CTNNA3: variants seen among roughly 807,000 people sequenced by gnomAD.
CTNNA3 encodes the protein catenin alpha-3.
In CTNNA3, 76 loss-of-function variants were observed where a neutral mutation model predicts 95.7. The observed-to-expected ratio is 0.79, with a 90% CI of 0.66 to 0.96. The LOEUF (loss-of-function observed/expected upper bound fraction) is 0.96, where lower values mean the gene tolerates loss of function less well. Ranked by LOEUF, CTNNA3 falls within the 40% of genes least tolerant of loss-of-function variation. CTNNA3 has a pLI of 0.00. For missense variants in CTNNA3, 1,191 were observed against 1,089.8 expected, an observed-to-expected ratio of 1.09 and a Z score of -1.31; for synonymous variants, 431 against 374.4, an observed-to-expected ratio of 1.15 and a Z score of -1.74.
chr10:66,442,194 A>G (rs1301016484), intron 11 of CTNNA3, among the ~76,000 whole-genome samples: 1 of 152,190 alleles, frequency 6.6e-6, no homozygotes, highest in Non-Finnish European at 1.5e-5. Context: ...GTAACCCTGT[A>G]GCAATTTAAA....
At chr10:66,447,005 A>C (rs1233164889) in intron 11 of CTNNA3, among the ~76,000 whole-genome samples, 1 of 151,818 alleles carries the variant, frequency 6.6e-6, no homozygotes, top group Admixed American at 6.6e-5. Flanking sequence ...ATGTGCAAAA[A>C]TCACAAGCAT....
intron 11 of CTNNA3, among the ~76,000 whole-genome samples, chr10:66,494,698 C>T (rs892517725): frequency 5.3e-5 from 8 of 152,130 alleles, no homozygotes; most frequent in African/African-American, 1.9e-4. Context: ...TGTAATGACT[C>T]TACAGAATGG....
At chr10:66,988,136 C>T (rs12254553) in intron 7 of CTNNA3, among the ~76,000 whole-genome samples, 7,052 of 152,152 alleles carry the variant, frequency 0.046, 351 homozygotes, top group African/African-American at 0.12. Flanking sequence ...GCTCAAATTT[C>T]CAATTCCTTT....
At chr10:66,507,995 C>A (rs571073678) in intron 11 of CTNNA3, among the ~76,000 whole-genome samples, 2 of 152,196 alleles carry the variant, frequency 1.3e-5, no homozygotes, top group South Asian at 4.2e-4. Flanking sequence ...ATTCCCCTTA[C>A]TCCACATCCT....
At chr10:67,470,958 T>TTTAATTTA (rs1847797253) in intron 5 of CTNNA3, among the ~76,000 whole-genome samples, 1 of 151,944 alleles carries the variant, frequency 6.6e-6, no homozygotes, top group East Asian at 1.9e-4. Flanking sequence ...TTTTTGTCTT[T>TTTAATTTA]TTTATTTATT....
At chr10:66,985,167 C>G (rs1235155445) in intron 7 of CTNNA3, among the ~76,000 whole-genome samples, 1 of 152,120 alleles carries the variant, frequency 6.6e-6, no homozygotes, top group Non-Finnish European at 1.5e-5. Flanking sequence ...TTTCCTACCA[C>G]CTTTATCAGT....
At chr10:66,249,485 A>G (rs2090464652) in intron 13 of CTNNA3, among the ~76,000 whole-genome samples, 1 of 152,224 alleles carries the variant, frequency 6.6e-6, no homozygotes, top group South Asian at 2.1e-4. Flanking sequence ...CATTTCTCAA[A>G]AGAAGACATA....
intron 5 of CTNNA3, among the ~76,000 whole-genome samples, chr10:67,304,434 G>A (rs1840454533): frequency 6.6e-6 from 1 of 152,172 alleles, no homozygotes; most frequent in African/African-American, 2.4e-5. Context: ...ATTCTGGACA[G>A]TCAGCAGAAA....
intron 7 of CTNNA3, among the ~76,000 whole-genome samples, chr10:66,826,055 G>C (rs1281105416): frequency 4.6e-5 from 7 of 152,106 alleles, no homozygotes; most frequent in South Asian, 2.1e-4. Context: ...GGAGTGAAAG[G>C]AACTTTCATT....
rs75902912 is a variant in CTNNA3, at chr10:66,788,222, G to A, written c.1048-12698C>T. ...ACCACCCTCCTTCCCAAGGGTCAACGTTCCCCCTCACTGAGTGGGTGCAAA... is the reference window on the plus strand; with the variant it reads ...ACCACCCTCCTTCCCAAGGGTCAACATTCCCCCTCACTGAGTGGGTGCAAA... On this transcript the variant is annotated intron_variant, in intron 7 of 17. Coordinates refer to ENST00000433211, the MANE Select transcript of CTNNA3 (RefSeq NM_013266.4). 9.9e-5 allele frequency among the ~76,000 whole-genome samples: 15 copies of A among 152,098 alleles called. No individual in the cohort carries two copies. In the East Asian group the frequency reaches 2.7e-3, roughly 27 times the overall value.
intron 9 of CTNNA3, among the ~76,000 whole-genome samples, chr10:66,639,955 T>C (rs1164286082): frequency 6.6e-6 from 1 of 152,140 alleles, no homozygotes; most frequent in Non-Finnish European, 1.5e-5. Flanking sequence ...ACGGATGAAC[T>C]GTGCACCTCT....
intron 13 of CTNNA3, among the ~76,000 whole-genome samples, chr10:66,137,740 A>C (rs1359174504): frequency 6.6e-6 from 1 of 152,052 alleles, no homozygotes; most frequent in Non-Finnish European, 1.5e-5. Flanking sequence ...TGAGGTCAGG[A>C]GTTCAGGATT....
chr10:66,464,311 G>C (rs1194211161), intron 11 of CTNNA3, among the ~76,000 whole-genome samples: 1 of 152,080 alleles, frequency 6.6e-6, no homozygotes, highest in Non-Finnish European at 1.5e-5. Flanking sequence ...CTCCTGCTAG[G>C]TTTAATGCTA....
chr10:66,854,823 C>T (rs185670487), intron 7 of CTNNA3, among the ~76,000 whole-genome samples: 5 of 150,790 alleles, frequency 3.3e-5, no homozygotes, highest in East Asian at 1.9e-4. Context: ...CATGAGAACA[C>T]GAAGATAGTG....
At chr10:66,412,689 G>A (rs948448156) in intron 11 of CTNNA3, among the ~76,000 whole-genome samples, 2 of 151,860 alleles carry the variant, frequency 1.3e-5, no homozygotes, top group African/African-American at 4.8e-5. Flanking sequence ...TCGATCTCCC[G>A]ACCTTGTGAT....
In CTNNA3 at chr10:67,559,538, G is replaced by GA. The variant is rs570533642; in HGVS notation, c.293-19870dup. On this transcript the variant is annotated intron_variant, in intron 3 of 17. Coordinates refer to ENST00000433211, the MANE Select transcript of CTNNA3 (RefSeq NM_013266.4). ...AAGTAGATAAAACCACAAAGATGGG[G>GA]AAAAAACAGAGCAGAAAAACTGGAA... is the stretch of plus-strand genomic sequence containing the variant. 2.2e-3 allele frequency among the ~76,000 whole-genome samples: 331 copies of GA among 152,178 alleles called. 2 individuals are homozygous for GA. The highest frequency in any genetic ancestry group is 6.8e-3 in the Middle Eastern group (2 of 294).
At chr10:67,728,897 G>C (rs1049748080) in intron 1 of CTNNA3, among the ~76,000 whole-genome samples, 3 of 151,996 alleles carry the variant, frequency 2.0e-5, no homozygotes, top group Non-Finnish European at 4.4e-5. Context: ...AACAAATCTG[G>C]CTTCACTACT....
At chr10:66,312,640 G>A (rs1279498504) in intron 12 of CTNNA3, among the ~76,000 whole-genome samples, 1 of 151,872 alleles carries the variant, frequency 6.6e-6, no homozygotes, top group Non-Finnish European at 1.5e-5. Context: ...TCCACCTCCT[G>A]GGTTCAAGAG....
intron 5 of CTNNA3, among the ~76,000 whole-genome samples, chr10:67,402,985 T>C (rs1439176706): frequency 6.6e-6 from 1 of 152,174 alleles, no homozygotes; most frequent in Non-Finnish European, 1.5e-5. Context: ...TAAGACCCAC[T>C]GGCTTGGAAC....
Sources: allele counts gnomAD v4.1 joint callset (sites outside exome capture counted in the v4.1 genomes callset), GRCh38; gene constraint gnomAD v4.1.1; transcripts MANE v1.5; gene names NCBI Gene and HGNC (gene_info 2026-07-23, HGNC 2026-07-21).